The following SLC25A48 variants were observed in gnomAD, a reference collection of about 807,000 sequenced individuals.
SLC25A48 encodes solute carrier family 25 member 48, also known as CTC-321K16.1.
A neutral mutation model predicts 32.2 loss-of-function variants in SLC25A48; 29 were observed. That is an observed-to-expected ratio of 0.90 (90% CI 0.67 to 1.23). The LOEUF (loss-of-function observed/expected upper bound fraction) is 1.23. Ranked by LOEUF, SLC25A48 falls within the 50% of genes most tolerant of loss-of-function variation. The pLI, the probability that SLC25A48 is intolerant of heterozygous loss-of-function variation, is 0.00. For synonymous variants in SLC25A48, 164 were observed against 172.3 expected (o/e 0.95, Z 0.38); for missense variants, 399 against 422.7 (o/e 0.94, Z 0.49).
At chr5:135,734,830 AAAAAAAG>A (rs1202499777) in intron 3 of SLC25A48, among the ~76,000 whole-genome samples, 11 of 142,006 alleles carry the variant, frequency 7.7e-5, no homozygotes, top group African/African-American at 2.9e-4. Context: ...ACAAAAAAAA[AAAAAAAG>A]AAGAAGAAGA....
At chr5:135,787,855 T>C (rs1209465438) in intron 3 of SLC25A48, among the ~76,000 whole-genome samples, 1 of 151,896 alleles carries the variant, frequency 6.6e-6, no homozygotes, top group African/African-American at 2.4e-5. Flanking sequence ...CCTAGGTGGA[T>C]TTTACTCCTA....
intron 3 of SLC25A48, among the ~76,000 whole-genome samples, chr5:135,670,534 T>G (rs1048298424): frequency 1.3e-5 from 2 of 152,184 alleles, no homozygotes; most frequent in Non-Finnish European, 2.9e-5. Context: ...GGCAAACCAC[T>G]TAACCATTTT....
At chr5:135,872,065 T>C in intron 5 of SLC25A48, 1 of 1,165,714 alleles carries the variant, frequency 8.6e-7, no homozygotes, top group Non-Finnish European at 1.1e-6. Flanking sequence ...CCATTAGTTC[T>C]ACAAGGTAGG....
intron 3 of SLC25A48, among the ~76,000 whole-genome samples, chr5:135,654,104 A>C (rs59856510): frequency 0.058 from 8,843 of 152,236 alleles, 467 homozygotes; most frequent in African/African-American, 0.14. Flanking sequence ...GAGAGACAAA[A>C]ATGGGCAACC....
chr5:135,823,885 T>A (rs1437538995), intron 4 of SLC25A48, among the ~76,000 whole-genome samples: 1 of 152,064 alleles, frequency 6.6e-6, no homozygotes, highest in Non-Finnish European at 1.5e-5. Context: ...GCAAGTGAGA[T>A]GGATCAAGAG....
chr5:135,621,284 C>T lies in SLC25A48; in HGVS notation c.-848-7953C>T, dbSNP rs372311810. 1.8e-4 allele frequency among the ~76,000 whole-genome samples: 27 copies of T among 152,328 alleles called. 1 individual carries two copies. The highest frequency in any genetic ancestry group is 6.3e-4 in the African/African-American group (26 of 41,570). ...TATGTGTGAAGGGCCTAGAGCAGTA[C>T]CTGCTACATGGAAATGGCTCAGTAG... On this transcript the variant is annotated intron_variant, in intron 1 of 10. Coordinates refer to the SLC25A48 transcript ENST00000646290.
intron 3 of SLC25A48, among the ~76,000 whole-genome samples, chr5:135,701,596 C>T (rs574713747): frequency 6.6e-6 from 1 of 152,266 alleles, no homozygotes; most frequent in Non-Finnish European, 1.5e-5. Flanking sequence ...AGGACTGTCC[C>T]TCCCACTTTT....
chr5:135,786,356 T>C (rs1251153014), intron 3 of SLC25A48, among the ~76,000 whole-genome samples: 2 of 151,964 alleles, frequency 1.3e-5, no homozygotes, highest in Non-Finnish European at 2.9e-5. Context: ...TTGTGGGGTT[T>C]TATGCAGTAT....
At chr5:135,645,507 T>C (rs1168278741) in intron 3 of SLC25A48, among the ~76,000 whole-genome samples, 6 of 148,884 alleles carry the variant, frequency 4.0e-5, no homozygotes, top group African/African-American at 1.3e-4. Context: ...GCCTGACACA[T>C]GTGTTGAGTT....
chr5:135,804,224 G>C (rs546735892), intron 3 of SLC25A48, among the ~76,000 whole-genome samples: 5 of 151,290 alleles, frequency 3.3e-5, no homozygotes, highest in African/African-American at 1.2e-4. Context: ...ATAATGTCAC[G>C]AGGTGTCCAC....
At chr5:135,669,442 A>G (rs1753602779) in intron 3 of SLC25A48, among the ~76,000 whole-genome samples, 1 of 152,100 alleles carries the variant, frequency 6.6e-6, no homozygotes, top group African/African-American at 2.4e-5. Flanking sequence ...TGTGAAACAG[A>G]AGGGAAGGGA....
At position 135,888,149 on chromosome 5, in the gene SLC25A48, G is replaced by A; in HGVS notation, c.*125G>A. On this transcript the variant is annotated 3_prime_UTR_variant, in exon 8 of 8. Transcript: ENST00000681962. ...AGTGGACATCAATTAGCAAGCGTGG[G>A]CTAGGATGGTGCAGACACTGACGTG... The A allele has an allele frequency of 6.7e-7, 1 of 1,498,920 alleles. No homozygotes were observed. The highest frequency in any genetic ancestry group is 1.2e-5 in the South Asian group (1 of 82,678). The allele number at this position is 1,498,920 out of a possible 1,614,324, so 92.9% of individuals were successfully genotyped here. A position where few individuals can be genotyped will look rare whatever the true frequency, so the allele number is the denominator to read the frequency against.
chr5:135,609,616 G>T (rs1218824246), intron 1 of SLC25A48: 1 of 152,166 alleles, frequency 6.6e-6, no homozygotes, highest in African/African-American at 2.4e-5. Context: ...ACAGAAGGAC[G>T]CAGAATGAGT....
chr5:135,867,556 GC>G (rs1403898739), intron 4 of SLC25A48, among the ~76,000 whole-genome samples: 2 of 152,140 alleles, frequency 1.3e-5, no homozygotes, highest in African/African-American at 4.8e-5. Flanking sequence ...CACCACATGG[GC>G]CACTGGCGGA....
chr5:135,880,073 G>A lies in SLC25A48; in HGVS notation c.919G>A (p.Ala307Thr), dbSNP rs754995493. The A allele has an allele frequency of 7.4e-5, 114 of 1,535,922 alleles. No individual in the cohort carries two copies. The South Asian group carries it at 1.1e-3, about 15-fold the overall frequency. ...GCTGCAGGCTATCCGCGGGGACCACGCAGTGACGAGCCCATAAGCGCCAGG... is the reference window on the plus strand; with the variant it reads ...GCTGCAGGCTATCCGCGGGGACCACACAGTGACGAGCCCATAAGCGCCAGG... ...LSLQAIRGDH[A>T]VTSP is the part of the protein sequence containing the mutation. Residue 307 changes from alanine to threonine, a missense_variant, in exon 7 of 8, where the codon GCA (alanine) becomes ACA (threonine). By Grantham distance (58) the Ala-to-Thr change is moderately conservative (BLOSUM62 0). Coordinates refer to ENST00000681962, the MANE Select transcript of SLC25A48 (RefSeq NM_001349336.2).
chr5:135,833,285 G>A (rs551855288), upstream of SLC25A48, among the ~76,000 whole-genome samples: 175 of 152,386 alleles, frequency 1.1e-3, no homozygotes, highest in African/African-American at 4.0e-3. Context: ...GGGCTGCCAG[G>A]GACACTGCCT....
At chr5:135,695,091 G>A (rs546550732) in intron 3 of SLC25A48, among the ~76,000 whole-genome samples, 143 of 152,162 alleles carry the variant, frequency 9.4e-4, no homozygotes, top group Non-Finnish European at 1.7e-3. Context: ...GCCTCACCTC[G>A]GGCAGCTGCG....
At chr5:135,820,141 A>G (rs1757844625) in intron 4 of SLC25A48, among the ~76,000 whole-genome samples, 1 of 152,230 alleles carries the variant, frequency 6.6e-6, no homozygotes, top group Non-Finnish European at 1.5e-5. Flanking sequence ...TAGCAGCACT[A>G]TTCACAATGG....
chr5:135,847,358 T>G (rs1250964508), intron 2 of SLC25A48, among the ~76,000 whole-genome samples: 4 of 152,128 alleles, frequency 2.6e-5, no homozygotes, highest in Non-Finnish European at 5.9e-5. Context: ...TCTGGGGTCC[T>G]GTGGAGTGAA....
Sources: gnomAD v4.1 joint callset for allele counts (sites outside exome capture counted in the v4.1 genomes callset) on GRCh38, gnomAD v4.1.1 for gene constraint, MANE v1.5 for transcripts, NCBI Gene and HGNC (gene_info 2026-07-23, HGNC 2026-07-21) for gene names.